The following ATP2B2 variants were observed in gnomAD, a reference collection of about 807,000 sequenced individuals.
The protein encoded by ATP2B2 is ATPase plasma membrane Ca2+ transporting 2, also known as plasma membrane calcium-transporting ATPase 2.
In ATP2B2, 15 loss-of-function variants were observed where a neutral mutation model predicts 120.0. The ratio of observed to expected loss-of-function variants is 0.12; its 90% confidence interval spans 0.08 to 0.19. The LOEUF (loss-of-function observed/expected upper bound fraction) is 0.19. Ranked by LOEUF, ATP2B2 falls within the 10% of genes least tolerant of loss-of-function variation. The probability of loss-of-function intolerance (pLI) is 1.00; values close to 1 mark genes in which losing one functional copy is unlikely to be tolerated. For missense variants in ATP2B2, 1,045 were observed against 1,719.8 expected (o/e 0.61, Z 6.94); for synonymous variants, 694 against 700.3 (o/e 0.99, Z 0.14).
intron 1 of ATP2B2, among the ~76,000 whole-genome samples, chr3:10,491,444 T>C (rs2065932469): frequency 6.6e-6 from 1 of 152,190 alleles, no homozygotes; most frequent in Non-Finnish European, 1.5e-5. Context: ...CAGGCTGGTA[T>C]GGAATTCCTG....
At chr3:10,668,655 C>T (rs529699678) in intron 1 of ATP2B2, among the ~76,000 whole-genome samples, 35 of 152,088 alleles carry the variant, frequency 2.3e-4, no homozygotes, top group Non-Finnish European at 3.4e-4. Context: ...TGTACCCCCC[C>T]ACCCCTTCTG....
chr3:10,367,375 G>A lies in ATP2B2; in HGVS notation c.1659+4434C>T, dbSNP rs138691242. ...GTAGGTTCCCTTCTGTTTCTGCAGCGCGGTTTTCCTAGCTGCGAGATGGGA... is the reference window on the plus strand; with the variant it reads ...GTAGGTTCCCTTCTGTTTCTGCAGCACGGTTTTCCTAGCTGCGAGATGGGA... On this transcript the variant is annotated intron_variant, in intron 12 of 22. Coordinates refer to ENST00000360273, the MANE Select transcript of ATP2B2 (RefSeq NM_001001331.4). Among the ~76,000 whole-genome samples the A allele has an allele frequency of 4.9e-3, 742 of 152,002 alleles. 10 individuals carry two copies. The highest frequency in any genetic ancestry group is 0.017 in the African/African-American group (702 of 41,412).
intron 1 of ATP2B2, among the ~76,000 whole-genome samples, chr3:10,621,353 A>G (rs1334906782): frequency 6.6e-6 from 1 of 152,240 alleles, no homozygotes; most frequent in East Asian, 1.9e-4. Context: ...TCACGGGGCC[A>G]GCTTGGGAGC....
In ATP2B2 at chr3:10,486,312, T is replaced by TGTGTGTGCGTGC. The variant is rs1553616019; in HGVS notation, c.-320+19141_-320+19152dup. Among the ~76,000 whole-genome samples, 173 of 110,316 alleles carry TGTGTGTGCGTGC rather than the reference T, an allele frequency of 1.6e-3. 1 individual carries two copies. Among genetic ancestry groups the TGTGTGTGCGTGC allele is most frequent in the African/African-American group, 4.7e-3 (149 of 31,638 alleles). The allele number at this position is 110,316 out of a possible 152,430, so 72.4% of individuals were successfully genotyped here. ...ATCTGTTTTTCAAACAGCAGCCAGG[T>TGTGTGTGCGTGC]GTGTGTGCGTGCGTGTGTGTGTGTG... On this transcript the variant is annotated intron_variant, in intron 1 of 22. Transcript: ENST00000360273.
chr3:10,579,200 A>G (rs1205372712), intron 2 of ATP2B2, among the ~76,000 whole-genome samples: 1 of 152,236 alleles, frequency 6.6e-6, no homozygotes, highest in Non-Finnish European at 1.5e-5. Flanking sequence ...ATTGCTAAAG[A>G]TAAGTTGAAG....
Position 10,447,328 on chromosome 3 carries a change from G to A in ATP2B2, c.199+2017C>T, listed in dbSNP as rs143366052. Among the ~76,000 whole-genome samples, 841 of 152,308 alleles carry A rather than the reference G, an allele frequency of 5.5e-3. 3 individuals are homozygous for A. Among genetic ancestry groups the A allele is most frequent in the Non-Finnish European group, 9.2e-3 (626 of 68,024 alleles). ...CAGAGCGGGCTCCCAGGAACCAGCC[G>A]GAAATGGCCCTGCAAGGTTGCTGGA... On this transcript the variant is annotated intron_variant, in intron 2 of 22. Transcript: ENST00000360273.
chr3:10,408,834 T>A (rs756897188), intron 3 of ATP2B2, among the ~76,000 whole-genome samples: 3 of 152,160 alleles, frequency 2.0e-5, no homozygotes, highest in Non-Finnish European at 2.9e-5. Flanking sequence ...CTGAATTGGG[T>A]TGCATGAGGC....
chr3:10,431,095 G>A (rs2063301241), intron 2 of ATP2B2, among the ~76,000 whole-genome samples: 1 of 152,120 alleles, frequency 6.6e-6, no homozygotes, highest in African/African-American at 2.4e-5. Context: ...AATGGATGAG[G>A]AGTTGCTTCT....
intron 2 of ATP2B2, among the ~76,000 whole-genome samples, chr3:10,609,390 G>T (rs901504363): frequency 3.3e-5 from 5 of 152,224 alleles, no homozygotes; most frequent in African/African-American, 9.6e-5. Flanking sequence ...TCTGGCAGCC[G>T]CAAGGAGCCT....
intron 1 of ATP2B2, among the ~76,000 whole-genome samples, chr3:10,484,996 C>T (rs1229253467): frequency 6.6e-6 from 1 of 152,180 alleles, no homozygotes; most frequent in East Asian, 1.9e-4. Context: ...CACTGACAGG[C>T]CTTAAGCTGA....
upstream of ATP2B2, among the ~76,000 whole-genome samples, chr3:10,506,852 G>A (rs555663341): frequency 2.6e-5 from 4 of 152,342 alleles, no homozygotes; most frequent in Admixed American, 2.6e-4. Flanking sequence ...CGAGCGTCCC[G>A]AGCTGCCGCT....
intron 12 of ATP2B2, among the ~76,000 whole-genome samples, chr3:10,370,574 T>G (rs2061199341): frequency 6.6e-6 from 1 of 152,196 alleles, no homozygotes; most frequent in Non-Finnish European, 1.5e-5. Context: ...ATGATGCGGG[T>G]GGCTGCTCAG....
At position 10,328,745 on chromosome 3, in the gene ATP2B2, G is replaced by A; in HGVS notation, c.*69C>T. 1 of 1,500,916 alleles carries A rather than the reference G, an allele frequency of 6.7e-7. No individual in the cohort carries two copies. The allele number at this position is 1,500,916 out of a possible 1,614,324, so 93.0% of individuals were successfully genotyped here. On this transcript the variant is annotated 3_prime_UTR_variant, in exon 23 of 23. Transcript: ENST00000360273. The stretch of plus-strand genomic sequence containing the variant: ...CTTGGGTGAGTTGGGTGCCTGGATG[G>A]ATGGGTGCCCGGAAAGCGGGTGGCA...
At chr3:10,416,328 G>T (rs1487796859) in intron 2 of ATP2B2, among the ~76,000 whole-genome samples, 5 of 152,152 alleles carry the variant, frequency 3.3e-5, no homozygotes, top group African/African-American at 1.2e-4. Context: ...CTCTTCCCCA[G>T]CCTCTAAACC....
chr3:10,605,612 C>T (rs909509968), intron 2 of ATP2B2, among the ~76,000 whole-genome samples: 20 of 150,286 alleles, frequency 1.3e-4, no homozygotes, highest in South Asian at 4.2e-4. Flanking sequence ...GCCAGCATTT[C>T]GAGACTAGCC....
chr3:10,659,732 G>A (rs1357806255), intron 1 of ATP2B2, among the ~76,000 whole-genome samples: 1 of 152,208 alleles, frequency 6.6e-6, no homozygotes, highest in Non-Finnish European at 1.5e-5. Context: ...ATTCAGCTCT[G>A]CACCAAGTGG....
rs1462782274 is a variant in ATP2B2, at chr3:10,573,945, C to T, written c.-414-39812G>A. Among the ~76,000 whole-genome samples, 3 of 152,144 alleles carry T rather than the reference C, an allele frequency of 2.0e-5. No homozygotes were observed. The East Asian group carries it at 5.8e-4, about 29-fold the overall frequency. On this transcript the variant is annotated intron_variant, in intron 2 of 21. Coordinates refer to the ATP2B2 transcript ENST00000646379. ...TTTCTGGTCTCTCACTGGTCCTTCCCCAAACATTCACTCAGCAGCCAGACT... is the reference window on the plus strand; with the variant it reads ...TTTCTGGTCTCTCACTGGTCCTTCCTCAAACATTCACTCAGCAGCCAGACT...
At chr3:10,368,300 A>G (rs1331718104) in intron 12 of ATP2B2, among the ~76,000 whole-genome samples, 2 of 152,088 alleles carry the variant, frequency 1.3e-5, no homozygotes, top group African/African-American at 4.8e-5. Context: ...AGGTAGTGAG[A>G]GAGCACTGGT....
chr3:10,672,817 A>C (rs2071133767), intron 1 of ATP2B2, among the ~76,000 whole-genome samples: 1 of 152,244 alleles, frequency 6.6e-6, no homozygotes, highest in Non-Finnish European at 1.5e-5. Flanking sequence ...AAGGGAAGCC[A>C]AAGGGCTTTC....
Sources: gnomAD v4.1 joint callset for allele counts (sites outside exome capture counted in the v4.1 genomes callset) on GRCh38, gnomAD v4.1.1 for gene constraint, MANE v1.5 for transcripts, NCBI Gene and HGNC (gene_info 2026-07-23, HGNC 2026-07-21) for gene names.